The following PCDHA6 variants were observed in gnomAD, a reference collection of about 807,000 sequenced individuals.
PCDHA6 encodes protocadherin alpha-6.
PCDHA6 carries 55 observed loss-of-function variants against 60.3 expected under a neutral mutation model. That is an observed-to-expected ratio of 0.91 (90% CI 0.73 to 1.14). PCDHA6 has a LOEUF of 1.14. Among genes scored for constraint, PCDHA6 ranks in the 50% most tolerant of loss-of-function variants. The probability of loss-of-function intolerance (pLI) is 0.00; values close to 1 mark genes in which losing one functional copy is unlikely to be tolerated. For synonymous variants in PCDHA6, 652 were observed against 557.9 expected (o/e 1.17, Z -2.38); for missense variants, 1,327 against 1,256.5 (o/e 1.06, Z -0.85).
At chr5:140,902,729 C>T (rs1554190627) in intron 1 of PCDHA6, among the ~76,000 whole-genome samples, 1 of 152,068 alleles carries the variant, frequency 6.6e-6, no homozygotes, top group East Asian at 1.9e-4. Flanking sequence ...CCCTTCCCTC[C>T]AAGTCCCCCA....
At chr5:140,872,485 G>A (rs978511800) in intron 1 of PCDHA6, among the ~76,000 whole-genome samples, 1 of 152,080 alleles carries the variant, frequency 6.6e-6, no homozygotes, top group Non-Finnish European at 1.5e-5. Flanking sequence ...AAATTAGCCA[G>A]ACCTAGTGGT....
rs2150478834 is a variant in PCDHA6 at position 140,850,308 on chromosome 5, G to A, written c.2394+19823G>A. 1.9e-6 allele frequency: 3 copies of A among 1,597,160 alleles called. No individual in the cohort carries two copies. In the South Asian group the frequency reaches 3.3e-5, roughly 18 times the overall value. ...AGTGGACGCCGACTCGGGCTACAAC[G>A]CGTGGCTTTCATACGAGCTGCAGCC... On this transcript the variant is annotated intron_variant, in intron 1 of 3. Coordinates refer to ENST00000529310, the MANE Select transcript of PCDHA6 (RefSeq NM_018909.4).
intron 3 of PCDHA6, among the ~76,000 whole-genome samples, chr5:140,994,778 G>A (rs1488910527): frequency 1.3e-5 from 2 of 152,152 alleles, no homozygotes; most frequent in Non-Finnish European, 2.9e-5. Flanking sequence ...TCCAGGCAAA[G>A]GAAACAATGC....
intron 1 of PCDHA6, among the ~76,000 whole-genome samples, chr5:140,930,604 G>C (rs2086982661): frequency 6.6e-6 from 1 of 152,108 alleles, no homozygotes; most frequent in South Asian, 2.1e-4. Flanking sequence ...AGAAATCCTA[G>C]ATGCAAGAGA....
At chr5:140,968,231 T>A in intron 1 of PCDHA6, 1 of 1,614,032 alleles carries the variant, frequency 6.2e-7, no homozygotes. Context: ...TGTGTTGCTC[T>A]GTACTGTGCA....
At chr5:140,882,940 C>T (rs1554176179) in intron 1 of PCDHA6, 2 of 1,614,208 alleles carry the variant, frequency 1.2e-6, no homozygotes, top group Admixed American at 3.3e-5. Flanking sequence ...AGCTGACTGG[C>T]ACAGTTCAGC....
chr5:140,899,127 C>T (rs1487430888), intron 1 of PCDHA6, among the ~76,000 whole-genome samples: 16 of 152,302 alleles, frequency 1.1e-4, no homozygotes, highest in African/African-American at 3.9e-4. Context: ...ACAATCATGT[C>T]TTCTGCAAAC....
At chr5:140,869,908 C>G in intron 1 of PCDHA6, 4 of 1,610,646 alleles carry the variant, frequency 2.5e-6, no homozygotes, top group Non-Finnish European at 3.4e-6. Flanking sequence ...CGCCACAGAC[C>G]GAGACGAAGG....
chr5:140,876,764 G>A (rs1562718507), intron 1 of PCDHA6: 3 of 1,614,220 alleles, frequency 1.9e-6, no homozygotes, highest in Non-Finnish European at 2.5e-6. Context: ...CGGGATGGGG[G>A]CTCGCCTTCG....
rs1443735818 is a variant in PCDHA6, at chr5:140,849,722, G to A, written c.2394+19237G>A. The A allele has an allele frequency of 7.5e-6, 12 of 1,598,448 alleles. 1 individual carries two copies. The highest frequency in any genetic ancestry group is 9.4e-6 in the Non-Finnish European group (11 of 1,167,996). On this transcript the variant is annotated intron_variant, in intron 1 of 3. Coordinates refer to ENST00000529310, the MANE Select transcript of PCDHA6 (RefSeq NM_018909.4). ...ACAAGAATTACTACTCGTTGGTGCT[G>A]GACAGAGCTCTGGACCGCGAGAGTG...
At chr5:140,831,691 C>A (rs2150109264) in intron 1 of PCDHA6, among the ~76,000 whole-genome samples, 1 of 152,138 alleles carries the variant, frequency 6.6e-6, no homozygotes, top group Admixed American at 6.6e-5. Context: ...TGAAAAGCAG[C>A]AAAAAGTAGT....
At chr5:140,973,400 A>G (rs2096585870) in intron 1 of PCDHA6, among the ~76,000 whole-genome samples, 1 of 152,244 alleles carries the variant, frequency 6.6e-6, no homozygotes, top group Non-Finnish European at 1.5e-5. Flanking sequence ...AATCATATCT[A>G]TGAGCTTCCA....
intron 1 of PCDHA6, chr5:140,926,863 G>A: frequency 1.3e-6 from 2 of 1,523,054 alleles, no homozygotes; most frequent in Non-Finnish European, 8.8e-7. Flanking sequence ...GGTGTAGCGT[G>A]TTGGTGGAAC....
chr5:140,977,923 C>T (rs573696974), intron 1 of PCDHA6, among the ~76,000 whole-genome samples: 2 of 151,828 alleles, frequency 1.3e-5, no homozygotes, highest in Admixed American at 1.3e-4. Flanking sequence ...TTTTTTCATT[C>T]AACTATACCT....
chr5:140,921,486 G>A (rs782660925), intron 1 of PCDHA6, among the ~76,000 whole-genome samples: 1 of 152,128 alleles, frequency 6.6e-6, no homozygotes, highest in African/African-American at 2.4e-5. Flanking sequence ...CTCTACCTGA[G>A]ATTAGTTTAT....
chr5:140,865,243 T>C (rs1554159328), intron 1 of PCDHA6: 1 of 152,228 alleles, frequency 6.6e-6, no homozygotes, highest in Non-Finnish European at 1.5e-5. Flanking sequence ...CACGTATTTA[T>C]AGCTGTAAGG....
chr5:140,978,427 GTTGCT>G (rs2096802128), intron 1 of PCDHA6, among the ~76,000 whole-genome samples: 1 of 152,196 alleles, frequency 6.6e-6, no homozygotes, highest in Non-Finnish European at 1.5e-5. Context: ...ACTGTTATCA[GTTGCT>G]GGTGTTATGA....
In PCDHA6 at chr5:140,842,731, G is replaced by A. The variant is rs202126810; in HGVS notation, c.2394+12246G>A. Reference sequence around the variant, plus strand: ...TGTTCGTGAAGGAGAACAACCCGCCGGGCTGCCACATCTTCACGGTGTCTG... The same window carrying A: ...TGTTCGTGAAGGAGAACAACCCGCCAGGCTGCCACATCTTCACGGTGTCTG... On this transcript the variant is annotated intron_variant, in intron 1 of 3. Coordinates refer to ENST00000529310, the MANE Select transcript of PCDHA6 (RefSeq NM_018909.4). The A allele has an allele frequency of 1.1e-5, 17 of 1,594,938 alleles. 3 individuals are homozygous for A. The highest frequency in any genetic ancestry group is 5.1e-5 in the Admixed American group (3 of 59,276).
chr5:140,874,124 TTTAAG>T (rs373641315), intron 1 of PCDHA6, among the ~76,000 whole-genome samples: 322 of 152,384 alleles, frequency 2.1e-3, no homozygotes, highest in African/African-American at 7.5e-3. Context: ...TTATAGTTTA[TTTAAG>T]TTATCTTATA....
Sources: allele counts gnomAD v4.1 joint callset (sites outside exome capture counted in the v4.1 genomes callset), GRCh38; gene constraint gnomAD v4.1.1; transcripts MANE v1.5; gene names NCBI Gene and HGNC (gene_info 2026-07-23, HGNC 2026-07-21).